Variants in USH2A observed in about 807,000 individuals in gnomAD.
The protein encoded by USH2A is Usher syndrome 2A (autosomal recessive, mild).
In USH2A, 443 loss-of-function variants were observed where a neutral mutation model predicts 538.9. That is an observed-to-expected ratio of 0.82 (90% CI 0.76 to 0.89). USH2A has a LOEUF of 0.89. USH2A is among the 40% of genes least tolerant of loss of function. USH2A has a pLI of 0.00. For missense variants in USH2A, 6,633 were observed against 6,324.8 expected, an observed-to-expected ratio of 1.05 and a Z score of -1.65; for synonymous variants, 2,413 against 2,273.5, an observed-to-expected ratio of 1.06 and a Z score of -1.75.
chr1:215,713,829 C>A (rs953745201), intron 61 of USH2A, among the ~76,000 whole-genome samples: 5 of 152,206 alleles, frequency 3.3e-5, no homozygotes, highest in South Asian at 2.1e-4. Flanking sequence ...TAAATAACAT[C>A]TTGTTCCACT....
Position 216,097,509 on chromosome 1 carries a change from CAG to C in USH2A, c.4628-298_4628-297del, listed in dbSNP as rs1455001915. 3.3e-5 allele frequency among the ~76,000 whole-genome samples: 5 copies of C among 152,236 alleles called. 1 individual carries two copies. The highest frequency in any genetic ancestry group is 1.2e-4 in the African/African-American group (5 of 41,536). ...TATTGTCAACCCAAAATTGGATACT[CAG>C]AGTATCAATGTGAAAACATTATCAG... On this transcript the variant is annotated intron_variant, in intron 21 of 71. Transcript: ENST00000307340.
intron 11 of USH2A, among the ~76,000 whole-genome samples, chr1:216,251,632 G>T (rs2036165414): frequency 6.6e-6 from 1 of 151,732 alleles, no homozygotes; most frequent in Admixed American, 6.6e-5. Flanking sequence ...TGTAATTTTA[G>T]CAGAGGCGAG....
intron 20 of USH2A, among the ~76,000 whole-genome samples, chr1:216,185,334 T>C (rs1020285645): frequency 6.6e-6 from 1 of 151,982 alleles, no homozygotes; most frequent in East Asian, 1.9e-4. Context: ...ATTGAAAAAA[T>C]GTTTAAAACA....
intron 35 of USH2A, 95 bp downstream of exon 35, chr1:215,992,925 T>C (rs562366759): frequency 6.4e-7 from 1 of 1,567,872 alleles, no homozygotes; most frequent in Non-Finnish European, 8.8e-7. Context: ...AAAATGATCA[T>C]TAAAAATTAA....
At chr1:215,761,841 C>T (rs1435596319) in intron 56 of USH2A, among the ~76,000 whole-genome samples, 1 of 152,144 alleles carries the variant, frequency 6.6e-6, no homozygotes, top group Non-Finnish European at 1.5e-5. Flanking sequence ...TCTGATTAGA[C>T]ACTGTAAATC....
chr1:215,981,376 T>G (rs1667749438), intron 35 of USH2A, among the ~76,000 whole-genome samples: 1 of 152,168 alleles, frequency 6.6e-6, no homozygotes, highest in Non-Finnish European at 1.5e-5. Flanking sequence ...CCTTATAGTA[T>G]ATTTTGATAA....
rs754363619 is a variant in USH2A at position 215,900,109 on chromosome 1, A to T, written c.7560T>A (p.His2520Gln). 1.2e-6 allele frequency: 2 copies of T among 1,613,764 alleles called. No homozygotes were observed. The highest frequency in any genetic ancestry group is 1.7e-6 in the Non-Finnish European group (2 of 1,179,772). The change falls in exon 40 of 72, where the codon CAT (histidine) becomes CAA (glutamine). Residue 2520 changes from histidine to glutamine, a missense_variant. By Grantham distance (24) the His-to-Gln change is conservative. Transcript: ENST00000307340. ...CGGTCATGAATGGAATCCAAGAACT[A>T]TGTGCACTGCCAAATCCATTGGAGG... ...LVASNGFGSA[H>Q]SSWIPFMTAE...
intron 44 of USH2A, among the ~76,000 whole-genome samples, chr1:215,859,675 G>A (rs754657728): frequency 3.3e-5 from 5 of 152,076 alleles, no homozygotes; most frequent in African/African-American, 4.8e-5. Context: ...GGAACCAATC[G>A]CCTGCATATA....
chr1:215,924,809 C>G (rs971165703), intron 38 of USH2A, among the ~76,000 whole-genome samples: 1 of 151,858 alleles, frequency 6.6e-6, no homozygotes, highest in Non-Finnish European at 1.5e-5. Flanking sequence ...CTCTCTTGCC[C>G]CAGGATGCTT....
intron 61 of USH2A, among the ~76,000 whole-genome samples, chr1:215,704,557 T>C (rs1307875339): frequency 6.6e-6 from 1 of 152,182 alleles, no homozygotes; most frequent in African/African-American, 2.4e-5. Context: ...GTGGTTTTGA[T>C]TGCCAGCCCT....
rs755631233 is a variant in USH2A, at chr1:215,675,292, C to T, written c.12619G>A (p.Ala4207Thr). The change falls in exon 63 of 72, where the codon GCC becomes ACC. Residue 4207 changes from alanine (A) to threonine (T), a missense_variant. Physicochemically the swap from Ala to Thr is moderately conservative, Grantham distance 58. Coordinates refer to ENST00000307340, the MANE Select transcript of USH2A (RefSeq NM_206933.4). ...GKAWGNQTIQ[A>T]DEKIVFTEYN... is the part of the protein sequence containing the mutation. ...TCTGTGAAAACAATTTTCTCGTCGG[C>T]CTGGATTGTCTGATTTCCCCAAGCT... The T allele has an allele frequency of 1.2e-5, 20 of 1,614,106 alleles. No individual in the cohort carries two copies. The highest frequency in any genetic ancestry group is 2.2e-5 in the East Asian group (1 of 44,882).
intron 35 of USH2A, among the ~76,000 whole-genome samples, chr1:215,985,076 T>G (rs1036981031): frequency 1.3e-5 from 2 of 152,226 alleles, no homozygotes; most frequent in Admixed American, 1.3e-4. Context: ...TGCTCAAAAC[T>G]GTCAAGCAGT....
intron 4 of USH2A, among the ~76,000 whole-genome samples, chr1:216,340,000 G>GGA (rs1310819922): frequency 1.3e-5 from 2 of 151,892 alleles, no homozygotes; most frequent in African/African-American, 4.8e-5. Context: ...CAGAACTGAA[G>GGA]GAGAGAGAGA....
At chr1:216,146,143 C>T (rs1371760645) in intron 21 of USH2A, among the ~76,000 whole-genome samples, 9 of 152,164 alleles carry the variant, frequency 5.9e-5, no homozygotes, top group East Asian at 1.9e-4. Context: ...GATCCACCTA[C>T]GACCTCAGGT....
intron 67 of USH2A, among the ~76,000 whole-genome samples, chr1:215,640,999 G>A (rs76387762): frequency 6.6e-6 from 1 of 151,886 alleles, no homozygotes; most frequent in African/African-American, 2.4e-5. Context: ...AAAAAAAATC[G>A]ATAGAGAGTG....
intron 21 of USH2A, among the ~76,000 whole-genome samples, chr1:216,110,250 T>C (rs989554387): frequency 1.3e-5 from 2 of 152,172 alleles, no homozygotes; most frequent in Non-Finnish European, 2.9e-5. Flanking sequence ...CTCAGCTATT[T>C]GGGAGTCCAA....
At chr1:216,174,810 G>T (rs1037400670) in intron 21 of USH2A, 1 of 1,010,422 alleles carries the variant, frequency 9.9e-7, no homozygotes, top group Admixed American at 5.2e-5. Flanking sequence ...TATCTGTTAG[G>T]CATGATTAGC....
chr1:215,995,053 T>C (rs1668101977), intron 34 of USH2A, among the ~76,000 whole-genome samples: 1 of 152,200 alleles, frequency 6.6e-6, no homozygotes. Flanking sequence ...TTAATTCTGA[T>C]AGTCTACTTG....
intron 21 of USH2A, among the ~76,000 whole-genome samples, chr1:216,144,843 T>G (rs1423958345): frequency 1.3e-5 from 2 of 152,200 alleles, no homozygotes; most frequent in African/African-American, 4.8e-5. Context: ...CCTGAGTCCC[T>G]TAGTCCATTC....
Sources: gnomAD v4.1 joint callset for allele counts (sites outside exome capture counted in the v4.1 genomes callset) on GRCh38, gnomAD v4.1.1 for gene constraint, MANE v1.5 for transcripts, NCBI Gene and HGNC (gene_info 2026-07-23, HGNC 2026-07-21) for gene names.